Variants in CACNA2D3 observed in about 807,000 individuals in gnomAD.
CACNA2D3 encodes the protein calcium voltage-gated channel auxiliary subunit alpha2delta 3, also known as voltage-dependent calcium channel subunit alpha-2/delta-3.
In CACNA2D3, 60 loss-of-function variants were observed where a neutral mutation model predicts 160.6. That is an observed-to-expected ratio of 0.37 (90% CI 0.30 to 0.46). The LOEUF is 0.46. Among genes scored for constraint, CACNA2D3 ranks in the 20% least tolerant of loss-of-function variants. CACNA2D3 has a pLI of 1.00. For synonymous variants in CACNA2D3, 558 were observed against 492.9 expected (o/e 1.13, Z -1.75); for missense variants, 1,205 against 1,365.0 (o/e 0.88, Z 1.85).
At chr3:54,642,603 C>T (rs1486869485) in intron 11 of CACNA2D3, among the ~76,000 whole-genome samples, 3 of 152,078 alleles carry the variant, frequency 2.0e-5, no homozygotes, top group Non-Finnish European at 4.4e-5. Context: ...TCATGGTAGC[C>T]CTGCAGGCCT....
At chr3:54,821,699 TC>T (rs1343924030) in intron 14 of CACNA2D3, among the ~76,000 whole-genome samples, 1 of 140,516 alleles carries the variant, frequency 7.1e-6, no homozygotes, top group Non-Finnish European at 1.6e-5. Context: ...TTTCTTTCTT[TC>T]CTTCCTTCCT....
At chr3:54,786,136 A>G (rs1216792842) in intron 13 of CACNA2D3, among the ~76,000 whole-genome samples, 4 of 152,166 alleles carry the variant, frequency 2.6e-5, no homozygotes, top group Non-Finnish European at 5.9e-5. Context: ...TCATAGAACC[A>G]CTTCTTGTTC....
intron 2 of CACNA2D3, among the ~76,000 whole-genome samples, chr3:54,176,912 G>A (rs1041442848): frequency 6.6e-6 from 1 of 152,146 alleles, no homozygotes; most frequent in Non-Finnish European, 1.5e-5. Flanking sequence ...GCATTAGGGA[G>A]CTGGAGTCAA....
chr3:55,061,730 C>T (rs1028155102), intron 35 of CACNA2D3, among the ~76,000 whole-genome samples: 3 of 152,142 alleles, frequency 2.0e-5, no homozygotes, highest in Non-Finnish European at 2.9e-5. Context: ...AAGAATTCTG[C>T]GTTTCAGACT....
At chr3:54,622,980 T>C (rs1253765473) in intron 9 of CACNA2D3, among the ~76,000 whole-genome samples, 2 of 152,042 alleles carry the variant, frequency 1.3e-5, no homozygotes, top group East Asian at 1.9e-4. Flanking sequence ...AGGAGGGGCA[T>C]AGGGGAGAAG....
At chr3:54,525,811 A>G (rs776728240) in intron 5 of CACNA2D3, among the ~76,000 whole-genome samples, 1 of 148,728 alleles carries the variant, frequency 6.7e-6, no homozygotes, top group Non-Finnish European at 1.5e-5. Flanking sequence ...GTCTTTTTGC[A>G]TATCTGTTTG....
chr3:54,278,831 TC>T (rs1461260887), intron 2 of CACNA2D3, among the ~76,000 whole-genome samples: 1 of 151,104 alleles, frequency 6.6e-6, no homozygotes, highest in Non-Finnish European at 1.5e-5. Flanking sequence ...CCAGGGCCTG[TC>T]GGGGGATGGG....
chr3:54,958,472 TAGAAGTGTCTC>T (rs1404704409), intron 27 of CACNA2D3, among the ~76,000 whole-genome samples: 1 of 152,212 alleles, frequency 6.6e-6, no homozygotes, highest in Non-Finnish European at 1.5e-5. Flanking sequence ...TTGATAGTCT[TAGAAGTGTCTC>T]AGAAAGAGGA....
At chr3:54,889,890 C>T (rs1398316245) in intron 24 of CACNA2D3, among the ~76,000 whole-genome samples, 2 of 152,140 alleles carry the variant, frequency 1.3e-5, no homozygotes, top group African/African-American at 4.8e-5. Context: ...CTGATTCATT[C>T]CTAACACATA....
At chr3:54,816,828 G>C in intron 13 of CACNA2D3, 25 bp from the exon 14 acceptor site, 1 of 1,601,400 alleles carries the variant, frequency 6.2e-7, no homozygotes, top group Non-Finnish European at 8.5e-7. Context: ...TTTCTTTTTT[G>C]TTTTGTTTTG....
chr3:54,553,205 A>G (rs1702188002), intron 5 of CACNA2D3, among the ~76,000 whole-genome samples: 1 of 152,242 alleles, frequency 6.6e-6, no homozygotes. Context: ...TGTATAATTC[A>G]GCACACATTA....
chr3:54,201,263 T>C (rs1407100548), intron 2 of CACNA2D3, among the ~76,000 whole-genome samples: 1 of 152,226 alleles, frequency 6.6e-6, no homozygotes, highest in Non-Finnish European at 1.5e-5. Flanking sequence ...AAATTTGAAA[T>C]TACACATTAT....
intron 13 of CACNA2D3, among the ~76,000 whole-genome samples, chr3:54,764,691 A>C (rs981504685): frequency 6.6e-6 from 1 of 152,174 alleles, no homozygotes; most frequent in African/African-American, 2.4e-5. Context: ...TCCTCACCAT[A>C]TATGAGCCCC....
intron 14 of CACNA2D3, among the ~76,000 whole-genome samples, chr3:54,824,832 A>C (rs1703717299): frequency 6.6e-6 from 1 of 152,234 alleles, no homozygotes; most frequent in African/African-American, 2.4e-5. Context: ...TGCTAGCAGC[A>C]TTATACCTTG....
At chr3:54,826,963 A>G (rs1461048301) in intron 14 of CACNA2D3, among the ~76,000 whole-genome samples, 1 of 152,252 alleles carries the variant, frequency 6.6e-6, no homozygotes, top group Non-Finnish European at 1.5e-5. Context: ...GCACTGTGCT[A>G]GGCACTTTAT....
chr3:54,894,016 C>A (rs1420751763), intron 25 of CACNA2D3, among the ~76,000 whole-genome samples: 1 of 152,044 alleles, frequency 6.6e-6, no homozygotes, highest in South Asian at 2.1e-4. Flanking sequence ...AATTCTGATA[C>A]AACCCTGGTA....
intron 18 of CACNA2D3, among the ~76,000 whole-genome samples, chr3:54,877,405 T>C (rs894608511): frequency 1.3e-5 from 2 of 152,200 alleles, no homozygotes; most frequent in African/African-American, 4.8e-5. Context: ...CTAGCATGTA[T>C]TGAGTGCTTG....
chr3:54,965,884 G>A (rs1702137060), intron 27 of CACNA2D3, among the ~76,000 whole-genome samples: 1 of 152,148 alleles, frequency 6.6e-6, no homozygotes, highest in Admixed American at 6.5e-5. Flanking sequence ...AGCAGTTCTA[G>A]TTCAGGGCAT....
chr3:54,528,026 T>C (rs150767242), intron 5 of CACNA2D3, among the ~76,000 whole-genome samples: 193 of 152,338 alleles, frequency 1.3e-3, no homozygotes, highest in Non-Finnish European at 1.7e-3. Context: ...GAGCTCTTCA[T>C]GTTGTTGTGC....
Sources: gnomAD v4.1 joint callset for allele counts (sites outside exome capture counted in the v4.1 genomes callset) on GRCh38, gnomAD v4.1.1 for gene constraint, MANE v1.5 for transcripts, NCBI Gene and HGNC (gene_info 2026-07-23, HGNC 2026-07-21) for gene names.